The following EYA1 variants were observed in gnomAD, a reference collection of about 807,000 sequenced individuals.
The protein encoded by EYA1 is protein phosphatase EYA1.
Under a neutral mutation model 82.0 loss-of-function variants are expected in EYA1, and 16 were observed. The observed-to-expected ratio is 0.20, with a 90% CI of 0.13 to 0.30. EYA1 has a LOEUF of 0.30. Ranked by LOEUF, EYA1 falls within the 10% of genes least tolerant of loss-of-function variation. EYA1 has a pLI of 1.00. For missense variants in EYA1, 633 were observed against 730.7 expected, an observed-to-expected ratio of 0.87 and a Z score of 1.54; for synonymous variants, 261 against 264.4, an observed-to-expected ratio of 0.99 and a Z score of 0.12.
At chr8:71,471,697 C>T (rs1487839564) in intron 2 of EYA1, among the ~76,000 whole-genome samples, 1 of 152,000 alleles carries the variant, frequency 6.6e-6, no homozygotes, top group African/African-American at 2.4e-5. Context: ...GAGCTTCTAC[C>T]TTCCCAAAGT....
intron 1 of EYA1, among the ~76,000 whole-genome samples, chr8:71,536,850 C>T (rs1049187490): frequency 6.6e-6 from 1 of 152,138 alleles, no homozygotes; most frequent in African/African-American, 2.4e-5. Flanking sequence ...GATTTCAATT[C>T]AGGTTCTGAC....
At chr8:71,397,260 T>G (rs988222961) in intron 2 of EYA1, among the ~76,000 whole-genome samples, 1 of 152,246 alleles carries the variant, frequency 6.6e-6, no homozygotes, top group Non-Finnish European at 1.5e-5. Flanking sequence ...AGTCTGTGTC[T>G]TTTAATTGGA....
chr8:71,331,928 A>G (rs1823925255), intron 4 of EYA1, among the ~76,000 whole-genome samples: 1 of 152,166 alleles, frequency 6.6e-6, no homozygotes, highest in African/African-American at 2.4e-5. Flanking sequence ...GCTCACTGCA[A>G]CCTTGAACTC....
chr8:71,322,478 C>A, intron 4 of EYA1: 1 of 568,868 alleles, frequency 1.8e-6, no homozygotes, highest in South Asian at 2.0e-5. Flanking sequence ...TGATTAAGGG[C>A]TCTAGTTTTA....
At chr8:71,524,372 C>A (rs1797765464) in intron 2 of EYA1, among the ~76,000 whole-genome samples, 1 of 151,952 alleles carries the variant, frequency 6.6e-6, no homozygotes, top group South Asian at 2.1e-4. Context: ...TTCCTTATGA[C>A]AGAAAAAGCT....
At chr8:71,386,435 A>C (rs1357805020) in intron 2 of EYA1, among the ~76,000 whole-genome samples, 2 of 152,228 alleles carry the variant, frequency 1.3e-5, no homozygotes, top group African/African-American at 4.8e-5. Context: ...AAAAAGCCAG[A>C]AATTTATAGT....
At chr8:71,425,639 T>G (rs1805164385) in intron 2 of EYA1, among the ~76,000 whole-genome samples, 1 of 152,178 alleles carries the variant, frequency 6.6e-6, no homozygotes, top group African/African-American at 2.4e-5. Flanking sequence ...ATTTGGATAT[T>G]CTTGGATCAG....
intron 7 of EYA1, among the ~76,000 whole-genome samples, chr8:71,305,089 G>T (rs899551200): frequency 1.4e-5 from 2 of 142,950 alleles, no homozygotes; most frequent in Non-Finnish European, 3.2e-5. Context: ...TCCACTGAGA[G>T]TTTCTGTTGG....
At chr8:71,209,010 A>G (rs1286711656) in intron 17 of EYA1, among the ~76,000 whole-genome samples, 1 of 152,254 alleles carries the variant, frequency 6.6e-6, no homozygotes, top group East Asian at 1.9e-4. Flanking sequence ...CTAGAAAGCC[A>G]CATTTTAGCA....
intron 4 of EYA1, among the ~76,000 whole-genome samples, chr8:71,332,732 G>A (rs957152473): frequency 6.6e-6 from 1 of 152,004 alleles, no homozygotes; most frequent in African/African-American, 2.4e-5. Flanking sequence ...CAAATTCCAT[G>A]AAGCTCACAC....
At chr8:71,280,033 A>C (rs1817639869) in intron 9 of EYA1, among the ~76,000 whole-genome samples, 1 of 152,184 alleles carries the variant, frequency 6.6e-6, no homozygotes. Context: ...GGTTTGATAC[A>C]CGCACCAGAA....
intron 11 of EYA1, among the ~76,000 whole-genome samples, chr8:71,268,821 C>A (rs1474803334): frequency 6.6e-6 from 1 of 152,120 alleles, no homozygotes; most frequent in Non-Finnish European, 1.5e-5. Context: ...GAAAGAACAA[C>A]CACCCGGTCA....
At chr8:71,469,892 G>C (rs1809054920) in intron 2 of EYA1, among the ~76,000 whole-genome samples, 1 of 152,020 alleles carries the variant, frequency 6.6e-6, no homozygotes, top group Admixed American at 6.6e-5. Flanking sequence ...GAGGTCACTA[G>C]ATCTGAGATA....
At chr8:71,475,435 A>C (rs1809585424) in intron 2 of EYA1, among the ~76,000 whole-genome samples, 1 of 152,160 alleles carries the variant, frequency 6.6e-6, no homozygotes, top group African/African-American at 2.4e-5. Context: ...AAAAACAATA[A>C]AGGAAAACTA....
At chr8:71,274,990 T>C (rs926702330) in intron 9 of EYA1, among the ~76,000 whole-genome samples, 18 of 148,244 alleles carry the variant, frequency 1.2e-4, no homozygotes, top group Non-Finnish European at 1.9e-4. Flanking sequence ...GCATGTCACA[T>C]TTAAGAAATG....
At chr8:71,221,143 C>T (rs1192583437) in intron 12 of EYA1, among the ~76,000 whole-genome samples, 1 of 152,178 alleles carries the variant, frequency 6.6e-6, no homozygotes, top group Non-Finnish European at 1.5e-5. Flanking sequence ...GAGGGACAGC[C>T]TGGTCCACCG....
At chr8:71,250,966 A>T (rs1813682063) in intron 11 of EYA1, among the ~76,000 whole-genome samples, 1 of 152,248 alleles carries the variant, frequency 6.6e-6, no homozygotes, top group Non-Finnish European at 1.5e-5. Context: ...GCCTAGGGAA[A>T]AAATGGGCAC....
At position 71,334,166 on chromosome 8, in the gene EYA1, C is replaced by T. The variant is rs1373021054; in HGVS notation, c.133G>A (p.Glu45Lys). Residue 45 changes from glutamate to lysine, a missense_variant, in exon 4 of 18, where the codon GAG (glutamate) becomes AAG (lysine). By Grantham distance (56) the Glu-to-Lys change is moderately conservative. Coordinates refer to ENST00000340726, the MANE Select transcript of EYA1 (RefSeq NM_000503.6). ...GCTGTTTCACTGCTGCTCATTGGCT[C>T]TGTTTTAACTACAAAAATAAACAAC... ...MTPNGTEVKT[E>K]PMSSSETAST... The T allele has an allele frequency of 1.2e-6, 2 of 1,612,086 alleles. No homozygotes were observed. Among genetic ancestry groups the T allele is most frequent in the Non-Finnish European group, 8.5e-7 (1 of 1,178,322 alleles).
chr8:71,305,877 C>T (rs796344582), intron 7 of EYA1, among the ~76,000 whole-genome samples: 14 of 152,200 alleles, frequency 9.2e-5, no homozygotes, highest in African/African-American at 3.4e-4. Flanking sequence ...TCTAATCACA[C>T]GCATACGCAC....
Sources: allele counts gnomAD v4.1 joint callset (sites outside exome capture counted in the v4.1 genomes callset), GRCh38; gene constraint gnomAD v4.1.1; transcripts MANE v1.5; gene names NCBI Gene and HGNC (gene_info 2026-07-23, HGNC 2026-07-21).